DEUP1: variants seen among roughly 807,000 people sequenced by gnomAD.
The protein encoded by DEUP1 is coiled-coil domain containing 67.
A neutral mutation model predicts 87.4 loss-of-function variants in DEUP1; 82 were observed. That is an observed-to-expected ratio of 0.94 (90% CI 0.78 to 1.13). The LOEUF is 1.13. Ranked by LOEUF, DEUP1 falls within the 50% of genes most tolerant of loss-of-function variation. The probability of loss-of-function intolerance (pLI) is 0.00; values close to 1 mark genes in which losing one functional copy is unlikely to be tolerated. For missense variants in DEUP1, 663 were observed against 681.5 expected (o/e 0.97, Z 0.30); for synonymous variants, 214 against 222.7 (o/e 0.96, Z 0.35).
intron 4 of DEUP1, among the ~76,000 whole-genome samples, chr11:93,359,536 T>C (rs1264394197): frequency 6.6e-6 from 1 of 152,144 alleles, no homozygotes; most frequent in Non-Finnish European, 1.5e-5. Context: ...GACTCAAGAA[T>C]GTCACAATAG....
intron 4 of DEUP1, among the ~76,000 whole-genome samples, chr11:93,361,319 T>C (rs528766844): frequency 6.6e-6 from 1 of 151,792 alleles, no homozygotes; most frequent in Non-Finnish European, 1.5e-5. Context: ...AAAGAAGGAA[T>C]CTTAAGACAT....
intron 13 of DEUP1, among the ~76,000 whole-genome samples, chr11:93,417,775 A>T (rs1376112593): frequency 7.9e-4 from 120 of 151,938 alleles, no homozygotes; most frequent in African/African-American, 2.7e-3. Context: ...ACCTGACTTC[A>T]AACTATACTA....
At position 93,415,091 on chromosome 11, in the gene DEUP1, A is replaced by C. The variant is rs1318278553; in HGVS notation, c.1615A>C (p.Ser539Arg). The stretch of plus-strand genomic sequence containing the variant: ...CAAAGAAATGACAAGTCCTTTGGTT[A>C]GTGATGATGATGTATTCCCACTGGT... ...QAKEMTSPLV[S>R]DDDVFPLSPP... The change falls in exon 13 of 14, where the codon AGT becomes CGT. Residue 539 changes from serine to arginine, a missense_variant. Transcript: ENST00000298050. 6.2e-7 allele frequency: 1 copy of C among 1,610,186 alleles called. No homozygotes were observed. The highest frequency in any genetic ancestry group is 8.5e-7 in the Non-Finnish European group (1 of 1,178,118).
chr11:93,428,231 G>A (rs1159824091), intron 13 of DEUP1, among the ~76,000 whole-genome samples: 1 of 152,084 alleles, frequency 6.6e-6, no homozygotes, highest in African/African-American at 2.4e-5. Flanking sequence ...TTAAGAAAAT[G>A]TGGCACATGT....
intron 7 of DEUP1, among the ~76,000 whole-genome samples, chr11:93,372,074 G>A (rs1470087031): frequency 5.3e-5 from 8 of 150,006 alleles, no homozygotes. Context: ...GACTACAGGC[G>A]CCCGCCACTA....
At chr11:93,381,624 AC>A (rs1946308633) in intron 7 of DEUP1, among the ~76,000 whole-genome samples, 1 of 152,174 alleles carries the variant, frequency 6.6e-6, no homozygotes, top group African/African-American at 2.4e-5. Context: ...GAAGTTAATG[AC>A]AAAAATAGAT....
At chr11:93,396,529 G>T (rs183531281) in intron 11 of DEUP1, among the ~76,000 whole-genome samples, 8 of 152,184 alleles carry the variant, frequency 5.3e-5, no homozygotes, top group Admixed American at 5.2e-4. Context: ...TTCTTTGGTT[G>T]GATTGGGCTC....
chr11:93,419,045 G>C (rs1223741439), intron 13 of DEUP1, among the ~76,000 whole-genome samples: 19 of 150,528 alleles, frequency 1.3e-4, no homozygotes, highest in East Asian at 3.9e-4. Flanking sequence ...GGTGGCGGGA[G>C]GGGGGAGGGA....
At chr11:93,429,072 T>A (rs1333524773) in intron 13 of DEUP1, among the ~76,000 whole-genome samples, 1 of 152,186 alleles carries the variant, frequency 6.6e-6, no homozygotes, top group Non-Finnish European at 1.5e-5. Context: ...TGTTGGATTG[T>A]CTTTATTATT....
intron 7 of DEUP1, among the ~76,000 whole-genome samples, chr11:93,373,611 A>G (rs530883362): frequency 0.02 from 1,847 of 90,450 alleles, 24 homozygotes; most frequent in East Asian, 0.1. Flanking sequence ...ATATTTATAT[A>G]TGTATATATA....
intron 7 of DEUP1, among the ~76,000 whole-genome samples, chr11:93,380,044 G>T (rs912974149): frequency 1.1e-4 from 16 of 151,994 alleles, no homozygotes; most frequent in African/African-American, 3.9e-4. Flanking sequence ...GTGATATTTG[G>T]CAATGCCTGG....
intron 13 of DEUP1, among the ~76,000 whole-genome samples, chr11:93,429,265 T>C (rs1357431372): frequency 6.6e-6 from 1 of 152,152 alleles, no homozygotes; most frequent in Non-Finnish European, 1.5e-5. Flanking sequence ...TTTGTGTTCA[T>C]CTCAACATAA....
chr11:93,362,073 G>A, intron 4 of DEUP1, among the ~76,000 whole-genome samples: 1 of 151,936 alleles, frequency 6.6e-6, no homozygotes, highest in East Asian at 1.9e-4. Context: ...ACTCAAAATG[G>A]ATCAAAGATC....
At position 93,406,472 on chromosome 11, in the gene DEUP1, C is replaced by G. The variant is rs569794760; in HGVS notation, c.1327-1759C>G. Among the ~76,000 whole-genome samples the G allele has an allele frequency of 1.2e-4, 17 of 140,238 alleles. No homozygotes were observed. In the South Asian group the frequency reaches 4.0e-3, roughly 33 times the overall value. 92.0% of individuals were successfully genotyped at this position (140,238 alleles called of 152,430 possible). On this transcript the variant is annotated intron_variant, in intron 11 of 13. Transcript: ENST00000298050. ...TTCTCATTTTGTACAAAATTAATACCAAATAACTAAATAATTAAATGTAAA... is the reference window on the plus strand; with the variant it reads ...TTCTCATTTTGTACAAAATTAATACGAAATAACTAAATAATTAAATGTAAA...
intron 2 of DEUP1, among the ~76,000 whole-genome samples, chr11:93,346,492 A>T (rs1309214240): frequency 1.3e-5 from 2 of 152,114 alleles, no homozygotes; most frequent in African/African-American, 4.8e-5. Flanking sequence ...CTCTCAAAGT[A>T]TTGGGATTAC....
intron 8 of DEUP1, among the ~76,000 whole-genome samples, chr11:93,386,322 C>G (rs1272254344): frequency 2.0e-5 from 3 of 151,950 alleles, no homozygotes; most frequent in Non-Finnish European, 4.4e-5. Context: ...GGAAATCAGA[C>G]AGATATTGTA....
intron 13 of DEUP1, among the ~76,000 whole-genome samples, chr11:93,417,693 A>T (rs1356914974): frequency 2.1e-5 from 3 of 146,040 alleles, no homozygotes; most frequent in African/African-American, 7.9e-5. Flanking sequence ...TAAAGTTCAT[A>T]TGGAACCAAA....
chr11:93,391,525 T>C (rs1381719753), intron 9 of DEUP1, among the ~76,000 whole-genome samples: 1 of 151,922 alleles, frequency 6.6e-6, no homozygotes, highest in South Asian at 2.1e-4. Context: ...CTGGCCAATA[T>C]GGTGAAACCC....
chr11:93,348,683 T>C lies in DEUP1; in HGVS notation c.30-6688T>C, dbSNP rs577268614. 2.6e-5 allele frequency among the ~76,000 whole-genome samples: 4 copies of C among 152,264 alleles called. No individual in the cohort carries two copies. In the East Asian group the frequency reaches 7.7e-4, roughly 29 times the overall value. ...AGTGTTGATTTCTAATTTGACTTTT[T>C]CCCCCACAAACTTGTTTCTGCACCT... On this transcript the variant is annotated intron_variant, in intron 2 of 13. Coordinates refer to ENST00000298050, the MANE Select transcript of DEUP1 (RefSeq NM_181645.4).
Sources: allele counts gnomAD v4.1 joint callset (sites outside exome capture counted in the v4.1 genomes callset), GRCh38; gene constraint gnomAD v4.1.1; transcripts MANE v1.5; gene names NCBI Gene and HGNC (gene_info 2026-07-23, HGNC 2026-07-21).